Variants in MMP26 observed in about 807,000 individuals in gnomAD.
The protein encoded by MMP26 is matrix metallopeptidase 26.
Under a neutral mutation model 31.0 loss-of-function variants are expected in MMP26, and 33 were observed. That is an observed-to-expected ratio of 1.06 (90% CI 0.81 to 1.42). The LOEUF (loss-of-function observed/expected upper bound fraction) is 1.42. Ranked by LOEUF, MMP26 falls within the 40% of genes most tolerant of loss-of-function variation. The pLI is 0.00. For missense variants in MMP26, 347 were observed against 316.1 expected, an observed-to-expected ratio of 1.10 and a Z score of -0.74; for synonymous variants, 122 against 114.9, an observed-to-expected ratio of 1.06 and a Z score of -0.40.
chr11:4,832,309 G>C (rs1054350431), intron 2 of MMP26: 1 of 165,770 alleles, frequency 6.0e-6, no homozygotes, highest in Non-Finnish European at 1.3e-5. Flanking sequence ...CCCTGCAAGA[G>C]CCCATGTACT....
At chr11:4,832,828 G>A (rs1358853107) in intron 2 of MMP26, 2 of 174,854 alleles carry the variant, frequency 1.1e-5, no homozygotes, top group Non-Finnish European at 2.5e-5. Context: ...GCATCCCATG[G>A]GGAGTGCCTC....
At chr11:4,732,461 G>A (rs1488841475) in intron 1 of MMP26, among the ~76,000 whole-genome samples, 1 of 145,574 alleles carries the variant, frequency 6.9e-6, no homozygotes, top group African/African-American at 2.5e-5. Context: ...AATTAATGAT[G>A]TTTAGTATAT....
chr11:4,989,945 G>T, intron 4 of MMP26, 77 bp downstream of exon 4: 2 of 1,190,700 alleles, frequency 1.7e-6, no homozygotes, highest in South Asian at 1.3e-5. Flanking sequence ...CTCTCCTGGA[G>T]GTACCTCTAC....
At position 4,849,025 on chromosome 11, in the gene MMP26, C is replaced by G. The variant is rs527640209; in HGVS notation, c.-145+81684C>G. 3 of 1,613,968 alleles carry G rather than the reference C, an allele frequency of 1.9e-6. No homozygotes were observed. In the East Asian group the frequency reaches 6.7e-5, roughly 36 times the overall value. On this transcript the variant is annotated intron_variant, in intron 2 of 7. Transcript: ENST00000380390. Reference sequence around the variant, plus strand: ...AAGAAGTGCATTGGGCGGTGCAGGGCGGGCTGCAGGGCAATGATCCAGAGG... The same window carrying G: ...AAGAAGTGCATTGGGCGGTGCAGGGGGGGCTGCAGGGCAATGATCCAGAGG...
rs541585224 is a variant in MMP26, at chr11:4,783,939, C to G, written c.-145+16598C>G. Among the ~76,000 whole-genome samples the G allele has an allele frequency of 4.6e-5, 7 of 152,234 alleles. No homozygotes were observed. In the East Asian group the frequency reaches 1.2e-3, roughly 25 times the overall value. ...TGTGGAGCTTTAAGTCCAGTTAAAC[C>G]TCTTTCTTTTGTAAATTGCCCAGTC... On this transcript the variant is annotated intron_variant, in intron 2 of 7. Transcript: ENST00000380390.
chr11:4,727,948 A>G (rs1033840161), intron 1 of MMP26, among the ~76,000 whole-genome samples: 4 of 152,232 alleles, frequency 2.6e-5, no homozygotes, highest in African/African-American at 9.6e-5. Flanking sequence ...ATGTCACAAC[A>G]CTGCTGAGTG....
At chr11:4,713,017 G>T (rs1206229659) in intron 1 of MMP26, among the ~76,000 whole-genome samples, 3 of 152,022 alleles carry the variant, frequency 2.0e-5, no homozygotes, top group African/African-American at 7.2e-5. Context: ...GTAGGCGATA[G>T]GGTGTTGAGG....
chr11:4,750,659 T>A (rs2133300417), intron 1 of MMP26, among the ~76,000 whole-genome samples: 1 of 152,096 alleles, frequency 6.6e-6, no homozygotes, highest in African/African-American at 2.4e-5. Context: ...TTAAATGAAA[T>A]AACTCAGAAA....
chr11:4,936,626 G>C (rs11034727), intron 2 of MMP26, among the ~76,000 whole-genome samples: 38 of 152,176 alleles, frequency 2.5e-4, no homozygotes, highest in African/African-American at 8.7e-4. Flanking sequence ...TCTAGAGAGT[G>C]GGTATAATTA....
chr11:4,822,838 A>C (rs1391360655), intron 2 of MMP26, among the ~76,000 whole-genome samples: 1 of 152,130 alleles, frequency 6.6e-6, no homozygotes, highest in Non-Finnish European at 1.5e-5. Context: ...GTAATTCCAC[A>C]TTGGGTCTTA....
chr11:4,990,898 G>A (rs985168121), intron 5 of MMP26, 152 bp downstream of exon 5: 3 of 732,546 alleles, frequency 4.1e-6, no homozygotes, highest in African/African-American at 3.5e-5. Flanking sequence ...CTGTAATAGG[G>A]AAGACATTTT....
Position 4,751,172 on chromosome 11 carries a change from T to C in MMP26, c.-216-16098T>C, listed in dbSNP as rs537483992. On this transcript the variant is annotated intron_variant, in intron 1 of 7. Coordinates refer to ENST00000380390, the MANE Select transcript of MMP26 (RefSeq NM_021801.5). ...TTAGATAGATTATTCGATAGGTTTT[T>C]CTGTATAGTTCAATTCAACAACTAT... Among the ~76,000 whole-genome samples, 4 of 152,258 alleles carry C rather than the reference T, an allele frequency of 2.6e-5. No individual in the cohort carries two copies. The South Asian group carries it at 8.3e-4, about 32-fold the overall frequency.
At chr11:4,986,932 C>CTCTCTCTCACTCTCT (rs1564819722) in intron 2 of MMP26, among the ~76,000 whole-genome samples, 1 of 60,408 alleles carries the variant, frequency 1.7e-5, no homozygotes. Flanking sequence ...TCTCTCTCTC[C>CTCTCTCTCACTCTCT]CTCTCTCTCT....
intron 1 of MMP26, among the ~76,000 whole-genome samples, chr11:4,739,951 G>T (rs998227002): frequency 6.6e-6 from 1 of 152,024 alleles, no homozygotes; most frequent in African/African-American, 2.4e-5. Flanking sequence ...AAGCTTGTGG[G>T]CATTATTTAA....
chr11:4,904,572 G>A (rs1170692220), intron 2 of MMP26, among the ~76,000 whole-genome samples: 1 of 151,962 alleles, frequency 6.6e-6, no homozygotes, highest in African/African-American at 2.4e-5. Context: ...TTTACTGTAT[G>A]ATTTCATTTA....
At chr11:4,982,426 T>A (rs1385644088) in intron 2 of MMP26, among the ~76,000 whole-genome samples, 2 of 152,214 alleles carry the variant, frequency 1.3e-5, no homozygotes, top group African/African-American at 4.8e-5. Flanking sequence ...AACACTGTTA[T>A]GTGGCACATG....
chr11:4,968,534 T>TA (rs879546736), intron 2 of MMP26, among the ~76,000 whole-genome samples: 15,730 of 151,778 alleles, frequency 0.1, 1,576 homozygotes, highest in East Asian at 0.3. Flanking sequence ...CTTAAATAAT[T>TA]ATTTTCTTAA....
intron 2 of MMP26, among the ~76,000 whole-genome samples, chr11:4,862,908 T>A (rs142849546): frequency 6.6e-6 from 1 of 152,302 alleles, no homozygotes; most frequent in Non-Finnish European, 1.5e-5. Context: ...CACTTTGTGA[T>A]GCCTGCCTAA....
intron 1 of MMP26, among the ~76,000 whole-genome samples, chr11:4,739,031 G>A (rs114474472): frequency 0.02 from 2,989 of 152,224 alleles, 99 homozygotes; most frequent in African/African-American, 0.067. Flanking sequence ...CACTATAGCT[G>A]AGTTGATATA....
Sources: allele counts gnomAD v4.1 joint callset (sites outside exome capture counted in the v4.1 genomes callset), GRCh38; gene constraint gnomAD v4.1.1; transcripts MANE v1.5; gene names NCBI Gene and HGNC (gene_info 2026-07-23, HGNC 2026-07-21).